The following AFF4 variants were observed in gnomAD, a reference collection of about 807,000 sequenced individuals.
AFF4 encodes the protein AF4/FMR2 family member 4.
Under a neutral mutation model 124.8 loss-of-function variants are expected in AFF4, and 13 were observed. The observed-to-expected ratio is 0.10, with a 90% CI of 0.07 to 0.17. AFF4 has a LOEUF of 0.17. AFF4 is among the 10% of genes least tolerant of loss of function. The pLI is 1.00. For missense variants in AFF4, 1,092 were observed against 1,403.8 expected (o/e 0.78, Z 3.55); for synonymous variants, 477 against 496.1 (o/e 0.96, Z 0.51).
At chr5:132,897,331 A>G (rs1760433867) in intron 10 of AFF4, 91 bp from the exon 11 acceptor site, 2 of 1,350,986 alleles carry the variant, frequency 1.5e-6, no homozygotes, top group Non-Finnish European at 2.0e-6. Flanking sequence ...AGGAAAAACC[A>G]CAATGCCTAA....
At chr5:132,882,094 T>G (rs1759995239) in intron 20 of AFF4, among the ~76,000 whole-genome samples, 1 of 151,876 alleles carries the variant, frequency 6.6e-6, no homozygotes, top group South Asian at 2.1e-4. Context: ...ACATCTGTAG[T>G]CCCAGCTACT....
chr5:132,953,869 T>C (rs866044967), intron 1 of AFF4, among the ~76,000 whole-genome samples: 1 of 152,214 alleles, frequency 6.6e-6, no homozygotes, highest in East Asian at 1.9e-4. Context: ...TCTCTCTTTA[T>C]ATGCCATACG....
intron 19 of AFF4, 134 bp from the exon 20 acceptor site, chr5:132,883,694 T>C: frequency 1.5e-6 from 1 of 670,942 alleles, no homozygotes; most frequent in South Asian, 2.0e-5. Context: ...TTCAGAGAGC[T>C]ACAATTTCTT....
intron 10 of AFF4, 22 bp from the exon 11 acceptor site, chr5:132,897,262 A>T: frequency 6.2e-7 from 1 of 1,600,938 alleles, no homozygotes; most frequent in African/African-American, 1.3e-5. Flanking sequence ...AGAAATATGT[A>T]TGCTTTTTTC....
At chr5:132,900,947 T>C in intron 7 of AFF4, 1 of 985,196 alleles carries the variant, frequency 1.0e-6, no homozygotes, top group Non-Finnish European at 1.2e-6. Flanking sequence ...ACTTGTACTT[T>C]TCCTCCTCAA....
intron 1 of AFF4, among the ~76,000 whole-genome samples, chr5:132,959,865 C>T (rs1414688757): frequency 4.1e-5 from 6 of 146,558 alleles, no homozygotes; most frequent in African/African-American, 1.0e-4. Flanking sequence ...CCTGGGTTCA[C>T]GCCATTCTGC....
intron 5 of AFF4, among the ~76,000 whole-genome samples, chr5:132,923,899 T>C (rs74806775): frequency 0.042 from 6,387 of 152,204 alleles, 451 homozygotes; most frequent in African/African-American, 0.15. Context: ...ATAACCCAAA[T>C]GCTCATCAAC....
At chr5:132,891,596 A>G (rs986650704) in intron 13 of AFF4, among the ~76,000 whole-genome samples, 1 of 152,326 alleles carries the variant, frequency 6.6e-6, no homozygotes, top group Middle Eastern at 3.4e-3. Context: ...TAACTTAGCT[A>G]AAGATTTCTT....
chr5:132,953,042 A>C (rs1000997154), intron 1 of AFF4, among the ~76,000 whole-genome samples: 3 of 151,996 alleles, frequency 2.0e-5, no homozygotes, highest in Non-Finnish European at 4.4e-5. Flanking sequence ...AAGAAATCTA[A>C]ATCAGGGCTA....
intron 5 of AFF4, among the ~76,000 whole-genome samples, chr5:132,910,531 CACATGGAG>C (rs1468262640): frequency 1.3e-5 from 2 of 152,146 alleles, no homozygotes; most frequent in African/African-American, 4.8e-5. Flanking sequence ...ATAGTTAGTG[CACATGGAG>C]AGTAAGTACC....
chr5:132,914,614 A>C (rs1428650637), intron 5 of AFF4, among the ~76,000 whole-genome samples: 1 of 151,910 alleles, frequency 6.6e-6, no homozygotes, highest in Non-Finnish European at 1.5e-5. Flanking sequence ...AAAAAAAAAG[A>C]AGAACAAATT....
chr5:132,943,360 T>C (rs755112987), intron 1 of AFF4: 1 of 204,238 alleles, frequency 4.9e-6, no homozygotes, highest in Non-Finnish European at 1.1e-5. Context: ...GATGGCAACA[T>C]GCTGTGGCCA....
At chr5:132,901,310 C>T (rs530261938) in intron 7 of AFF4, among the ~76,000 whole-genome samples, 55 of 152,266 alleles carry the variant, frequency 3.6e-4, no homozygotes, top group Middle Eastern at 3.4e-3. Context: ...AGACCACATC[C>T]GTTCTTTACA....
rs979022091 is a variant in AFF4, at chr5:132,949,786, C to T, written c.-4-12593G>A. On this transcript the variant is annotated intron_variant, in intron 1 of 20. Transcript: ENST00000265343. ...CTGAGGCGAGAGAATGGCGCGAACC[C>T]GGGAGGCGGAGCTAGCAGTGAGCAG... is the stretch of plus-strand genomic sequence containing the variant. Among the ~76,000 whole-genome samples the T allele has an allele frequency of 2.5e-4, 37 of 149,666 alleles. 1 individual carries two copies. Among genetic ancestry groups the T allele is most frequent in the African/African-American group, 9.1e-4 (37 of 40,854 alleles).
intron 17 of AFF4, among the ~76,000 whole-genome samples, chr5:132,887,046 A>C (rs901517578): frequency 2.6e-5 from 4 of 152,220 alleles, no homozygotes; most frequent in Admixed American, 2.6e-4. Flanking sequence ...TCCATGATGA[A>C]TAGGGCTGTG....
At chr5:132,928,674 C>T (rs531979327) in intron 4 of AFF4, among the ~76,000 whole-genome samples, 2 of 152,114 alleles carry the variant, frequency 1.3e-5, no homozygotes, top group Non-Finnish European at 2.9e-5. Flanking sequence ...TAAAATAGAA[C>T]ACCAGACATT....
chr5:132,882,773 G>A (rs1760014107), intron 20 of AFF4, among the ~76,000 whole-genome samples: 1 of 147,484 alleles, frequency 6.8e-6, no homozygotes. Flanking sequence ...AGAATCACTT[G>A]AAACCGGAAG....
At chr5:132,919,197 T>C (rs1211561841) in intron 5 of AFF4, among the ~76,000 whole-genome samples, 1 of 152,116 alleles carries the variant, frequency 6.6e-6, no homozygotes, top group Non-Finnish European at 1.5e-5. Flanking sequence ...AAAATTCTTA[T>C]GAAAATGCAA....
At position 132,937,111 on chromosome 5, in the gene AFF4, C is replaced by T. The variant is rs760715292; in HGVS notation, c.79G>A (p.Ala27Thr). ...RNQEIQQGEDAFPPSSPLFAE... is the reference protein window; with the variant it reads ...RNQEIQQGEDTFPPSSPLFAE... ...AAGAGAGGAGAGCTAGGTGGGAAGG[C>T]GTCTTCGCCCTGCTGAATTTCCTGA... Residue 27 changes from alanine to threonine, a missense_variant, in exon 2 of 21, where the codon GCC (alanine) becomes ACC (threonine). By Grantham distance (58) the Ala-to-Thr change is moderately conservative. This residue lies in a region of AFF4 where 46 missense variants were observed against 49.0 expected (regional missense o/e 0.94). Transcript: ENST00000265343. 84 of 1,613,692 alleles carry T rather than the reference C, an allele frequency of 5.2e-5. No homozygotes were observed. The highest frequency in any genetic ancestry group is 6.9e-5 in the Non-Finnish European group (81 of 1,179,924).
Sources: gnomAD v4.1 joint callset for allele counts (sites outside exome capture counted in the v4.1 genomes callset) on GRCh38, gnomAD v4.1.1 for gene constraint, gnomAD v4.1.1 regional missense constraint, MANE v1.5 for transcripts, NCBI Gene and HGNC (gene_info 2026-07-23, HGNC 2026-07-21) for gene names.